The following OTOGL variants were observed in gnomAD, a reference collection of about 807,000 sequenced individuals.
OTOGL encodes the protein otogelin like.
OTOGL carries 285 observed loss-of-function variants against 318.5 expected under a neutral mutation model. The observed-to-expected ratio is 0.89, with a 90% CI of 0.81 to 0.99. The LOEUF (loss-of-function observed/expected upper bound fraction) is 0.99. Ranked by LOEUF, OTOGL falls within the 50% of genes least tolerant of loss-of-function variation. The pLI is 0.00. For missense variants in OTOGL, 2,899 were observed against 2,845.6 expected (o/e 1.02, Z -0.43); for synonymous variants, 987 against 936.5 (o/e 1.05, Z -0.99).
At chr12:80,366,532 A>ATATATATATAT (rs1566018778) in intron 52 of OTOGL, 42 bp from the exon 53 acceptor site, 14 of 123,032 alleles carry the variant, frequency 1.1e-4, no homozygotes, top group Admixed American at 3.1e-4. Context: ...TATATATATA[A>ATATATATATAT]AATAAGCTAA....
At chr12:80,113,696 T>G (rs1869985393) in intron 1 of OTOGL, among the ~76,000 whole-genome samples, 1 of 152,188 alleles carries the variant, frequency 6.6e-6, no homozygotes, top group African/African-American at 2.4e-5. Flanking sequence ...GTTAATTTTT[T>G]GTCTCACTGA....
chr12:80,116,142 G>A (rs558932497), intron 1 of OTOGL, among the ~76,000 whole-genome samples: 8 of 152,272 alleles, frequency 5.3e-5, no homozygotes, highest in Middle Eastern at 3.4e-3. Context: ...CCAAATGGCC[G>A]CCCAGTTTTG....
chr12:80,328,626 C>A, intron 35 of OTOGL, 39 bp from the exon 36 acceptor site: 9 of 1,390,808 alleles, frequency 6.5e-6, no homozygotes, highest in Admixed American at 4.0e-5. Context: ...GTATTTCAAA[C>A]TTTTCTTCAC....
intron 1 of OTOGL, among the ~76,000 whole-genome samples, chr12:80,177,786 G>T (rs148217513): frequency 3.6e-4 from 54 of 152,050 alleles, no homozygotes; most frequent in Non-Finnish European, 5.6e-4. Flanking sequence ...CAGTGTACAG[G>T]TCTTACACAT....
chr12:80,109,491 T>G (rs1317516420), intron 1 of OTOGL, among the ~76,000 whole-genome samples: 1 of 152,192 alleles, frequency 6.6e-6, no homozygotes, highest in Non-Finnish European at 1.5e-5. Flanking sequence ...TTGCCAGAAA[T>G]TTTCTCTGCC....
intron 1 of OTOGL, 30 bp from the exon 2 acceptor site, chr12:80,209,383 A>G: frequency 1.6e-6 from 2 of 1,272,404 alleles, no homozygotes; most frequent in East Asian, 5.2e-5. Context: ...TGCCATCATA[A>G]TAAAGACCAT....
At chr12:80,188,915 A>G (rs577801241) in intron 1 of OTOGL, among the ~76,000 whole-genome samples, 27 of 152,294 alleles carry the variant, frequency 1.8e-4, no homozygotes, top group African/African-American at 6.5e-4. Context: ...TATAATTTAT[A>G]ATTAGCCATG....
At chr12:80,150,005 A>G (rs1319096556) in intron 1 of OTOGL, among the ~76,000 whole-genome samples, 1 of 151,960 alleles carries the variant, frequency 6.6e-6, no homozygotes, top group African/African-American at 2.4e-5. Flanking sequence ...TGCAGAAATC[A>G]CCCATCTTCT....
chr12:80,296,757 T>A, intron 26 of OTOGL, 70 bp from the exon 27 acceptor site: 1 of 1,155,686 alleles, frequency 8.7e-7, no homozygotes, highest in African/African-American at 1.6e-5. Flanking sequence ...TTAAGATTTC[T>A]TAATAAAAAT....
chr12:80,356,454 T>A lies in OTOGL; in HGVS notation c.5845T>A (p.Cys1949Ser). The A allele has an allele frequency of 1.2e-6, 2 of 1,612,286 alleles. No individual in the cohort carries two copies. The highest frequency in any genetic ancestry group is 1.7e-6 in the Non-Finnish European group (2 of 1,179,166). Residue 1949 changes from cysteine to serine, a missense_variant, in exon 48 of 59, where the codon TGT becomes AGT. This residue lies in a region of OTOGL where 2,607 missense variants were observed against 2,524.9 expected (regional missense o/e 1.03). Transcript: ENST00000547103. Reference protein sequence around the residue: ...TTLCETSIPTCTNSQKLIVGH... With the variant: ...TTLCETSIPTSTNSQKLIVGH... The stretch of plus-strand genomic sequence containing the variant: ...TTTGTGTGAAACTAGCATTCCAACA[T>A]GTACAAATAGTCAAAAATTGATTGT...
At chr12:80,122,981 G>A (rs1052689422) in intron 1 of OTOGL, among the ~76,000 whole-genome samples, 1 of 151,338 alleles carries the variant, frequency 6.6e-6, no homozygotes, top group Non-Finnish European at 1.5e-5. Flanking sequence ...TAAGAGGACA[G>A]AGTGAATGCC....
intron 1 of OTOGL, among the ~76,000 whole-genome samples, chr12:80,173,427 A>G (rs775209633): frequency 6.8e-4 from 104 of 151,996 alleles, no homozygotes; most frequent in Non-Finnish European, 1.2e-3. Flanking sequence ...GGCATTTGTA[A>G]ACTGCCGTGG....
At chr12:80,345,040 ATAT>A (rs1466473536) in intron 44 of OTOGL, among the ~76,000 whole-genome samples, 1 of 127,744 alleles carries the variant, frequency 7.8e-6, no homozygotes, top group African/African-American at 2.9e-5. Flanking sequence ...ATTATAACAT[ATAT>A]TATTATATGT....
At chr12:80,163,803 T>C (rs1282296722) in intron 1 of OTOGL, among the ~76,000 whole-genome samples, 1 of 152,176 alleles carries the variant, frequency 6.6e-6, no homozygotes, top group East Asian at 1.9e-4. Context: ...AGCCCAACTG[T>C]TGCAAGCATT....
intron 1 of OTOGL, among the ~76,000 whole-genome samples, chr12:80,188,563 T>G (rs935372625): frequency 1.3e-5 from 2 of 149,494 alleles, no homozygotes; most frequent in Middle Eastern, 6.9e-3. Context: ...ATAATAATAA[T>G]AAATAAATAT....
chr12:80,317,840 G>A (rs1212547619), intron 32 of OTOGL, among the ~76,000 whole-genome samples: 1 of 152,066 alleles, frequency 6.6e-6, no homozygotes, highest in African/African-American at 2.4e-5. Context: ...AAGAAAAATT[G>A]TCCACTGTTT....
At chr12:80,243,944 T>C (rs1880616296) in intron 11 of OTOGL, among the ~76,000 whole-genome samples, 1 of 150,172 alleles carries the variant, frequency 6.7e-6, no homozygotes, top group Non-Finnish European at 1.5e-5. Context: ...TACATTTCCT[T>C]TAGTCTAAAG....
At position 80,270,044 on chromosome 12, in the gene OTOGL, G is replaced by GAA; in HGVS notation, c.2466-58_2466-57insAA. On this transcript the variant is annotated intron_variant, in intron 22 of 58. Coordinates refer to ENST00000547103, the MANE Select transcript of OTOGL (RefSeq NM_001378609.3). ...ACGTTAGATTGTTGTCGAAATTCAG[G>GAA]GAAAAAAAAAAAAACAACAGATTTG... The GAA allele has an allele frequency of 2.7e-5, 31 of 1,156,078 alleles. No homozygotes were observed. In the African/African-American group the frequency reaches 6.6e-4, roughly 25 times the overall value. 71.6% of individuals were successfully genotyped at this position (1,156,078 alleles called of 1,614,324 possible).
chr12:80,208,543 A>G (rs912499267), intron 1 of OTOGL, among the ~76,000 whole-genome samples: 1 of 152,204 alleles, frequency 6.6e-6, no homozygotes, highest in South Asian at 2.1e-4. Context: ...GGTTTTCACT[A>G]AGGTGTGGGG....
Sources: allele counts gnomAD v4.1 joint callset (sites outside exome capture counted in the v4.1 genomes callset), GRCh38; gene constraint gnomAD v4.1.1; regional missense constraint gnomAD v4.1.1; transcripts MANE v1.5; gene names NCBI Gene and HGNC (gene_info 2026-07-23, HGNC 2026-07-21).